VDAC2: variants seen among roughly 807,000 people sequenced by gnomAD.
VDAC2 encodes voltage dependent anion channel 2, also known as non-selective voltage-gated ion channel VDAC2.
A neutral mutation model predicts 36.6 loss-of-function variants in VDAC2; 6 were observed. That is an observed-to-expected ratio of 0.16 (90% confidence interval 0.09 to 0.32). The LOEUF (loss-of-function observed/expected upper bound fraction) is 0.32, where lower values mean the gene tolerates loss of function less well. Ranked by LOEUF, VDAC2 falls within the 10% of genes least tolerant of loss-of-function variation. The pLI, the probability that VDAC2 is intolerant of heterozygous loss-of-function variation, is 1.00. For synonymous variants in VDAC2, 109 were observed against 123.8 expected (o/e 0.88, Z 0.79); for missense variants, 247 against 346.0 (o/e 0.71, Z 2.27).
chr10:75,220,984 T>C lies in VDAC2; in HGVS notation c.584+14T>C, dbSNP rs778337976. 28 of 1,607,672 alleles carry C rather than the reference T, an allele frequency of 1.7e-5. No homozygotes were observed. In the East Asian group the frequency reaches 5.6e-4, roughly 32 times the overall value. Reference sequence around the variant, plus strand: ...ACACACTAATGTGTAAGTATTTCTTTCATAGGATACTGTGATGTGGGCCCT... The same window carrying C: ...ACACACTAATGTGTAAGTATTTCTTCCATAGGATACTGTGATGTGGGCCCT... On this transcript the variant is annotated intron_variant, in intron 7 of 9. Coordinates refer to ENST00000332211, the MANE Select transcript of VDAC2 (RefSeq NM_001391963.1).
chr10:75,223,212 A>G (rs1325850093), intron 8 of VDAC2, among the ~76,000 whole-genome samples: 1 of 151,920 alleles, frequency 6.6e-6, no homozygotes, highest in Non-Finnish European at 1.5e-5. Context: ...TCCTGACCCC[A>G]AGTGATCCAC....
intron 4 of VDAC2, among the ~76,000 whole-genome samples, chr10:75,218,742 T>C (rs1293795493): frequency 6.6e-6 from 1 of 151,188 alleles, no homozygotes; most frequent in East Asian, 1.9e-4. Flanking sequence ...AGCCTGGCGA[T>C]AGAGCGGGAC....
intron 8 of VDAC2, among the ~76,000 whole-genome samples, chr10:75,225,450 C>G (rs1252632913): frequency 1.3e-5 from 2 of 152,154 alleles, no homozygotes; most frequent in Non-Finnish European, 2.9e-5. Context: ...AGGATGTGGG[C>G]TGATACAAAG....
In VDAC2 at chr10:75,220,783, T is replaced by C. The variant is rs929326272; in HGVS notation, c.397T>C (p.Cys133Arg). The C allele has an allele frequency of 1.5e-5, 24 of 1,611,216 alleles. No individual in the cohort carries two copies. Among genetic ancestry groups the C allele is most frequent in the Non-Finnish European group, 1.9e-5 (22 of 1,178,606 alleles). Residue 133 changes from cysteine to arginine, a missense_variant, in exon 7 of 10, where the codon TGT (cysteine) becomes CGT (arginine). Transcript: ENST00000332211. ...AATCAAGTCTTCTTACAAGAGGGAGTGTATAAACCTTGGTTGTGATGTTGA... is the reference window on the plus strand; with the variant it reads ...AATCAAGTCTTCTTACAAGAGGGAGCGTATAAACCTTGGTTGTGATGTTGA... ...GKIKSSYKRE[C>R]INLGCDVDFD...
chr10:75,219,232 T>G lies in VDAC2; in HGVS notation c.303+17T>G. ...GAAGACCAGGTAACATTTTGAAAAT[T>G]TTAGTATTAATTTTATTAATTTATT... On this transcript the variant is annotated intron_variant, in intron 5 of 9. Coordinates refer to ENST00000332211, the MANE Select transcript of VDAC2 (RefSeq NM_001391963.1). 6.4e-7 allele frequency: 1 copy of G among 1,574,224 alleles called. No individual in the cohort carries two copies. The highest frequency in any genetic ancestry group is 8.6e-7 in the Non-Finnish European group (1 of 1,163,506).
rs1034978388 is a variant in VDAC2 at position 75,214,166 on chromosome 10, A to C, written c.150+96A>C. ...AAAGATGTCTACCTGTTTTGTCTTA[A>C]AGAAGAGGCAGAAGTTAACTTTGTT... On this transcript the variant is annotated intron_variant, in intron 4 of 9. Transcript: ENST00000332211. 3 of 1,299,246 alleles carry C rather than the reference A, an allele frequency of 2.3e-6. No homozygotes were observed. In the African/African-American group the frequency reaches 4.4e-5, roughly 19 times the overall value. The allele number at this position is 1,299,246 out of a possible 1,614,324, so 80.5% of individuals were successfully genotyped here.
intron 7 of VDAC2, among the ~76,000 whole-genome samples, chr10:75,221,885 T>TA (rs1841823770): frequency 6.6e-6 from 1 of 152,256 alleles, no homozygotes; most frequent in South Asian, 2.1e-4. Flanking sequence ...GAAGAAAACC[T>TA]ACGTTTCTTA....
chr10:75,224,964 T>G (rs1841911885), intron 8 of VDAC2, among the ~76,000 whole-genome samples: 1 of 152,234 alleles, frequency 6.6e-6, no homozygotes, highest in Admixed American at 6.5e-5. Context: ...AGCAAATATC[T>G]CTAATTCTTA....
At chr10:75,212,435 C>CCCTGTCTCAAAA in intron 3 of VDAC2, 137 bp downstream of exon 3, 1 of 800,722 alleles carries the variant, frequency 1.2e-6, no homozygotes, top group Non-Finnish European at 1.9e-6. Flanking sequence ...TTTTTTGAGA[C>CCCTGTCTCAAAA]AGGGTCTCCC....
chr10:75,226,750 CTG>C (rs1841965629), intron 8 of VDAC2, among the ~76,000 whole-genome samples: 1 of 152,166 alleles, frequency 6.6e-6, no homozygotes, highest in African/African-American at 2.4e-5. Context: ...GAACGAGCCA[CTG>C]CGCCCTGGGC....
chr10:75,215,180 CT>C (rs1189834145), intron 4 of VDAC2, among the ~76,000 whole-genome samples: 2 of 152,056 alleles, frequency 1.3e-5, no homozygotes, highest in Admixed American at 6.6e-5. Context: ...TCCCAAAGTG[CT>C]GGGATTACAG....
chr10:75,221,101 A>G (rs1471887541), intron 7 of VDAC2, 131 bp downstream of exon 7: 4 of 975,786 alleles, frequency 4.1e-6, no homozygotes. Flanking sequence ...ATTCTTGGTC[A>G]TTTCTAGGGT....
intron 8 of VDAC2, among the ~76,000 whole-genome samples, chr10:75,222,909 C>T (rs1426512104): frequency 6.6e-6 from 1 of 151,976 alleles, no homozygotes; most frequent in African/African-American, 2.4e-5. Context: ...GTCTCAGCCT[C>T]CCAAAGGAGG....
intron 8 of VDAC2, among the ~76,000 whole-genome samples, chr10:75,223,441 TG>T (rs999194594): frequency 2.0e-5 from 3 of 152,194 alleles, no homozygotes; most frequent in African/African-American, 7.2e-5. Flanking sequence ...ATAGTTAAAA[TG>T]GGAAGGCAGC....
intron 4 of VDAC2, 96 bp from the exon 5 acceptor site, chr10:75,218,967 A>C: frequency 2.3e-6 from 3 of 1,309,522 alleles, no homozygotes; most frequent in Non-Finnish European, 3.1e-6. Context: ...GAATTTACCA[A>C]ATGTTTCAGG....
chr10:75,219,860 C>T (rs539111447), intron 6 of VDAC2, among the ~76,000 whole-genome samples: 1 of 149,936 alleles, frequency 6.7e-6, no homozygotes, highest in South Asian at 2.1e-4. Flanking sequence ...CAGAGTCTTA[C>T]TCTGTCACAC....
chr10:75,216,739 G>A (rs1033051182), intron 4 of VDAC2, among the ~76,000 whole-genome samples: 1 of 152,264 alleles, frequency 6.6e-6, no homozygotes, highest in Admixed American at 6.5e-5. Context: ...ATGAATGGCC[G>A]TAGGTGGGGC....
chr10:75,226,502 G>A (rs979368640), intron 8 of VDAC2, among the ~76,000 whole-genome samples: 1 of 144,348 alleles, frequency 6.9e-6, no homozygotes, highest in African/African-American at 2.6e-5. Flanking sequence ...ATCCAGGCTG[G>A]ATGGAGTACA....
intron 4 of VDAC2, 63 bp downstream of exon 4, chr10:75,214,133 CA>C (rs1055268390): frequency 6.5e-7 from 1 of 1,532,950 alleles, no homozygotes; most frequent in African/African-American, 1.4e-5. Flanking sequence ...GTAAAATGGT[CA>C]TAACTGAAAG....
Sources: allele counts gnomAD v4.1 joint callset (sites outside exome capture counted in the v4.1 genomes callset), GRCh38; gene constraint gnomAD v4.1.1; transcripts MANE v1.5; gene names NCBI Gene and HGNC (gene_info 2026-07-23, HGNC 2026-07-21).